The following INSL3 variants were observed in gnomAD, a reference collection of about 807,000 sequenced individuals.
The protein encoded by INSL3 is insulin-like 3.
In INSL3, 6 loss-of-function variants were observed where a neutral mutation model predicts 5.5. The observed-to-expected ratio is 1.08, with a 90% confidence interval of 0.59 to 2.14. INSL3 has a LOEUF of 2.14. Among genes scored for constraint, INSL3 ranks in the 30% most tolerant of loss-of-function variants. The probability of loss-of-function intolerance (pLI) is 0.00; values close to 1 mark genes in which losing one functional copy is unlikely to be tolerated. For missense variants in INSL3, 178 were observed against 184.7 expected (o/e 0.96, Z 0.21); for synonymous variants, 86 against 82.1 (o/e 1.05, Z -0.26).
chr19:17,818,391 G>A (rs1222123567), intron 1 of INSL3, among the ~76,000 whole-genome samples: 1 of 152,146 alleles, frequency 6.6e-6, no homozygotes, highest in Non-Finnish European at 1.5e-5. Context: ...CTAGGTGGGT[G>A]CGTTGCTTGA....
Position 17,821,477 on chromosome 19 carries a change from C to G in INSL3, c.30G>C (p.Leu10=), listed in dbSNP as rs767191205. The change falls in exon 1 of 2, where the codon CTG becomes CTC. Residue 10 remains leucine (L), a synonymous_variant. Coordinates refer to ENST00000317306, the MANE Select transcript of INSL3 (RefSeq NM_005543.4). MDPRLPAWA[L]VLLGPALVFA... ...ACACCAGGGCAGGGCCCAGCAGCAC[C>G]AGCGCCCAGGCGGGCAGACGGGGGT... 4.0e-6 allele frequency: 6 copies of G among 1,513,870 alleles called. No homozygotes were observed. The African/African-American group carries it at 8.4e-5, about 21-fold the overall frequency. The allele number at this position is 1,513,870 out of a possible 1,614,324, so 93.8% of individuals were successfully genotyped here. A position where few individuals can be genotyped will look rare whatever the true frequency, so the allele number is the denominator to read the frequency against.
At chr19:17,818,585 C>T (rs1244210553) in intron 1 of INSL3, among the ~76,000 whole-genome samples, 1 of 151,788 alleles carries the variant, frequency 6.6e-6, no homozygotes, top group Non-Finnish European at 1.5e-5. Context: ...CACTGCACTC[C>T]AGCCTGAGTG....
At chr19:17,820,479 G>A in intron 1 of INSL3, 1 of 320,592 alleles carries the variant, frequency 3.1e-6, no homozygotes, top group Non-Finnish European at 6.0e-6. Context: ...GAAACAGAGT[G>A]AGACTCCCTC....
chr19:17,819,829 G>A (rs1033321029), intron 1 of INSL3, among the ~76,000 whole-genome samples: 8 of 151,802 alleles, frequency 5.3e-5, no homozygotes, highest in African/African-American at 1.7e-4. Context: ...GGGACAGAGC[G>A]AGACTCAATG....
At chr19:17,819,071 C>T (rs183400567) in intron 1 of INSL3, among the ~76,000 whole-genome samples, 7 of 151,376 alleles carry the variant, frequency 4.6e-5, no homozygotes, top group African/African-American at 1.7e-4. Context: ...GACGAGGTTT[C>T]GCCACGTTGG....
chr19:17,819,969 G>A (rs1300570938), intron 1 of INSL3, among the ~76,000 whole-genome samples: 2 of 151,994 alleles, frequency 1.3e-5, no homozygotes, highest in Non-Finnish European at 2.9e-5. Context: ...ATGGTAGTGG[G>A]TGACCTGGGG....
chr19:17,818,610 T>C lies in INSL3; in HGVS notation c.191-1551A>G, dbSNP rs1599856574. Among the ~76,000 whole-genome samples the C allele has an allele frequency of 4.0e-5, 6 of 151,592 alleles. 1 individual carries two copies. Among genetic ancestry groups the C allele is most frequent in the Admixed American group, 4.0e-4 (6 of 15,184 alleles). ...CAGCCTGAGTGACAGAGCAAGACTG[T>C]CTCAAAAGAAAAAAAAAAGGACTTA... On this transcript the variant is annotated intron_variant, in intron 1 of 1. Transcript: ENST00000317306.
Position 17,817,050 on chromosome 19 carries a change from A to G in INSL3, c.200T>C (p.Leu67Pro), listed in dbSNP as rs750630757. 3 of 1,613,274 alleles carry G rather than the reference A, an allele frequency of 1.9e-6. No homozygotes were observed. The highest frequency in any genetic ancestry group is 2.5e-6 in the Non-Finnish European group (3 of 1,179,856). ...RPATGGDREL[L>P]QWLERRHLLH... ...CAGATGTCGTCTCTCCAGCCACTGT[A>G]GCAACTCACCTGGGGACAGAGTGAA... The change falls in exon 2 of 2, where the codon CTA becomes CCA. Residue 67 changes from leucine to proline, a missense_variant. Transcript: ENST00000317306.
chr19:17,821,224 C>G, intron 1 of INSL3, 93 bp downstream of exon 1: 4 of 1,430,318 alleles, frequency 2.8e-6, no homozygotes, highest in Non-Finnish European at 2.9e-6. Flanking sequence ...TGCATGCAAA[C>G]CTGCCCACCT....
intron 1 of INSL3, 62 bp downstream of exon 1, chr19:17,821,255 G>A (rs2094195087): frequency 1.3e-6 from 2 of 1,518,114 alleles, no homozygotes; most frequent in East Asian, 2.5e-5. Context: ...GTGCATCTGC[G>A]CCTACGTGCA....
chr19:17,818,695 G>A (rs8113217), intron 1 of INSL3, among the ~76,000 whole-genome samples: 5,697 of 152,084 alleles, frequency 0.037, 370 homozygotes, highest in African/African-American at 0.13. Flanking sequence ...TGACACCAGT[G>A]GTTCTCAAAC....
chr19:17,820,240 C>T (rs1247488650), intron 1 of INSL3, among the ~76,000 whole-genome samples: 5 of 152,064 alleles, frequency 3.3e-5, no homozygotes, highest in Non-Finnish European at 4.4e-5. Context: ...GACGAGATCA[C>T]GTCACAGCAC....
Position 17,816,761 on chromosome 19 carries a change from A to T in INSL3, c.*93T>A. The T allele has an allele frequency of 1.6e-6, 2 of 1,241,956 alleles. No homozygotes were observed. The highest frequency in any genetic ancestry group is 2.3e-6 in the Non-Finnish European group (2 of 856,600). 76.9% of individuals were successfully genotyped at this position (1,241,956 alleles called of 1,614,324 possible). Reference sequence around the variant, plus strand: ...CCAGGAGGTAATCAAAGGCCTGTAGATGCGAGACTTTATGGTGCTGTGTGG... The same window carrying T: ...CCAGGAGGTAATCAAAGGCCTGTAGTTGCGAGACTTTATGGTGCTGTGTGG... On this transcript the variant is annotated 3_prime_UTR_variant, in exon 2 of 2. Transcript: ENST00000317306.
intron 1 of INSL3, among the ~76,000 whole-genome samples, chr19:17,818,012 C>G (rs905055463): frequency 2.0e-5 from 3 of 151,902 alleles, no homozygotes; most frequent in African/African-American, 7.3e-5. Flanking sequence ...GTCCAAGGGT[C>G]CGTGAGACAC....
At chr19:17,821,059 G>C (rs989579589) in intron 1 of INSL3, among the ~76,000 whole-genome samples, 1 of 152,074 alleles carries the variant, frequency 6.6e-6, no homozygotes, top group Non-Finnish European at 1.5e-5. Context: ...GACCTCTGGG[G>C]ATCCACCCGC....
At chr19:17,817,847 G>T (rs1420909821) in intron 1 of INSL3, among the ~76,000 whole-genome samples, 1 of 137,708 alleles carries the variant, frequency 7.3e-6, no homozygotes, top group Non-Finnish European at 1.5e-5. Context: ...CCTACTGTAC[G>T]CCAGGCACCT....
At chr19:17,817,158 C>T (rs2094189067) in intron 1 of INSL3, 99 bp from the exon 2 acceptor site, 6 of 1,159,946 alleles carry the variant, frequency 5.2e-6, no homozygotes, top group Non-Finnish European at 7.5e-6. Flanking sequence ...CTGAGTAACC[C>T]ACCAAACACT....
chr19:17,816,545 C>G lies in INSL3; in HGVS notation c.*309G>C, dbSNP rs2094187956. 9.0e-6 allele frequency: 4 copies of G among 443,296 alleles called. No individual in the cohort carries two copies. Among genetic ancestry groups the G allele is most frequent in the South Asian group, 2.3e-5 (1 of 42,666 alleles). 27.5% of individuals were successfully genotyped at this position (443,296 alleles called of 1,614,324 possible). ...GGGTCGTTTATTTACTAAGAGACAGCAAGAAGGGGTGTTACACATGCAGGG... is the reference window on the plus strand; with the variant it reads ...GGGTCGTTTATTTACTAAGAGACAGGAAGAAGGGGTGTTACACATGCAGGG... On this transcript the variant is annotated 3_prime_UTR_variant, in exon 2 of 2. Transcript: ENST00000317306.
At chr19:17,818,959 C>T (rs998383495) in intron 1 of INSL3, among the ~76,000 whole-genome samples, 5 of 150,592 alleles carry the variant, frequency 3.3e-5, no homozygotes, top group African/African-American at 1.2e-4. Flanking sequence ...ACTGCAACCT[C>T]CACCTCCCGG....
Sources: allele counts gnomAD v4.1 joint callset (sites outside exome capture counted in the v4.1 genomes callset), GRCh38; gene constraint gnomAD v4.1.1; transcripts MANE v1.5; gene names NCBI Gene and HGNC (gene_info 2026-07-23, HGNC 2026-07-21).